NTRK3: variants seen among roughly 807,000 people sequenced by gnomAD.
NTRK3 encodes neurotrophic receptor tyrosine kinase 3.
Under a neutral mutation model 91.7 loss-of-function variants are expected in NTRK3, and 24 were observed. The ratio of observed to expected loss-of-function variants is 0.26; its 90% CI spans 0.19 to 0.37. NTRK3 has a LOEUF of 0.37. Ranked by LOEUF, NTRK3 falls within the 10% of genes least tolerant of loss-of-function variation. NTRK3 has a pLI of 1.00. For synonymous variants in NTRK3, 483 were observed against 404.0 expected (o/e 1.20, Z -2.34); for missense variants, 880 against 1,068.9 (o/e 0.82, Z 2.46).
intron 13 of NTRK3, among the ~76,000 whole-genome samples, chr15:88,057,662 G>C (rs1597045427): frequency 6.6e-6 from 1 of 152,178 alleles, no homozygotes; most frequent in Non-Finnish European, 1.5e-5. Flanking sequence ...GAGCATCAGG[G>C]AAATATGATC....
intron 15 of NTRK3, 61 bp from the exon 16 acceptor site, chr15:87,933,245 C>T (rs2141959480): frequency 6.4e-7 from 1 of 1,554,424 alleles, no homozygotes; most frequent in Non-Finnish European, 8.9e-7. Flanking sequence ...GTCTTTTCTA[C>T]TCCTGGAAAG....
At chr15:88,042,084 C>A (rs1444629641) in intron 13 of NTRK3, among the ~76,000 whole-genome samples, 1 of 151,938 alleles carries the variant, frequency 6.6e-6, no homozygotes, top group Non-Finnish European at 1.5e-5. Context: ...TTTTTAAAAC[C>A]TCAACCTTTT....
Position 88,125,039 on chromosome 15 carries a change from G to A in NTRK3, c.1396+1232C>T, listed in dbSNP as rs191160885. On this transcript the variant is annotated intron_variant, in intron 13 of 18. Coordinates refer to ENST00000394480, the Ensembl canonical transcript of NTRK3. ...TTGTTGCCCAGACCGGAATGCAGTG[G>A]TGTGATGACAGCTCACTGCAGCCTT... is the stretch of plus-strand genomic sequence containing the variant. Among the ~76,000 whole-genome samples the A allele has an allele frequency of 1.3e-3, 201 of 152,318 alleles. 1 individual carries two copies. The South Asian group carries it at 0.023, about 17-fold the overall frequency.
chr15:87,995,059 C>T (rs2075588688), intron 14 of NTRK3, among the ~76,000 whole-genome samples: 2 of 152,126 alleles, frequency 1.3e-5, no homozygotes, highest in Non-Finnish European at 1.5e-5. Context: ...AATCAATTTC[C>T]AAATGTTGAA....
chr15:88,195,994 C>T (rs774956613), intron 3 of NTRK3, among the ~76,000 whole-genome samples: 3 of 152,154 alleles, frequency 2.0e-5, no homozygotes, highest in Admixed American at 6.5e-5. Context: ...AATAACTACC[C>T]GCATGGAGGA....
At chr15:87,904,185 C>T (rs112989927) in intron 17 of NTRK3, among the ~76,000 whole-genome samples, 7,197 of 150,680 alleles carry the variant, frequency 0.048, 421 homozygotes, top group African/African-American at 0.14. Context: ...GGAGTCTTGC[C>T]CTGTTGCCAG....
intron 14 of NTRK3, among the ~76,000 whole-genome samples, chr15:88,011,078 T>A (rs767122174): frequency 5.9e-5 from 9 of 152,158 alleles, no homozygotes; most frequent in Non-Finnish European, 1.0e-4. Flanking sequence ...GATATTTTCT[T>A]ATCCAGTATT....
intron 14 of NTRK3, among the ~76,000 whole-genome samples, chr15:87,970,118 G>C (rs1002850120): frequency 6.6e-6 from 1 of 152,110 alleles, no homozygotes; most frequent in African/African-American, 2.4e-5. Flanking sequence ...AGACAAATAT[G>C]GAACAAGGAA....
intron 3 of NTRK3, among the ~76,000 whole-genome samples, chr15:88,212,864 G>A (rs866022716): frequency 1.3e-5 from 2 of 152,162 alleles, no homozygotes; most frequent in Non-Finnish European, 2.9e-5. Context: ...AAGGGGAAAT[G>A]TCAGGGCCCC....
intron 13 of NTRK3, among the ~76,000 whole-genome samples, chr15:88,110,049 T>C (rs2051158498): frequency 6.6e-6 from 1 of 152,050 alleles, no homozygotes; most frequent in Non-Finnish European, 1.5e-5. Context: ...CCCAGAATGG[T>C]CCATAAGTCA....
intron 14 of NTRK3, among the ~76,000 whole-genome samples, chr15:88,017,482 T>C (rs1309284991): frequency 6.6e-6 from 1 of 152,202 alleles, no homozygotes; most frequent in Non-Finnish European, 1.5e-5. Flanking sequence ...CAACTTCTGC[T>C]CTTAACTTCA....
At chr15:88,242,994 G>A (rs1485480490) in intron 3 of NTRK3, among the ~76,000 whole-genome samples, 2 of 152,170 alleles carry the variant, frequency 1.3e-5, no homozygotes, top group African/African-American at 4.8e-5. Flanking sequence ...GTCCCCATAG[G>A]CCATAGGGCC....
chr15:87,863,799 A>T (rs2064587945), exon 19 of NTRK3: 1 of 231,274 alleles, frequency 4.3e-6, no homozygotes, highest in African/African-American at 2.2e-5. Flanking sequence ...TTCTGAAGGA[A>T]ATATTTGGGT....
chr15:88,240,157 G>C lies in NTRK3; in HGVS notation c.248+15749C>G, dbSNP rs2052200510. Among the ~76,000 whole-genome samples the C allele has an allele frequency of 6.6e-6, 1 of 150,540 alleles. No homozygotes were observed. Among genetic ancestry groups the C allele is most frequent in the Non-Finnish European group, 1.5e-5 (1 of 67,722 alleles). On this transcript the variant is annotated intron_variant, in intron 3 of 18. Transcript: ENST00000394480. This position sits in a 1 kb window ranked among gnomAD's most constrained non-coding sequence, Gnocchi z 4.9. The stretch of plus-strand genomic sequence containing the variant: ...AGGATTGCCCCCAGAGAAACCCAGG[G>C]CTGCTGCATCTGTATGGCTCCCCTA...
At chr15:87,877,014 C>T (rs1191745945) in exon 19 of NTRK3, 1 of 1,613,224 alleles carries the variant, frequency 6.2e-7, no homozygotes, top group Non-Finnish European at 8.5e-7. Flanking sequence ...GATGTTCAAC[C>T]GCTGCTGTGG....
At chr15:87,919,430 C>A (rs906319471) in intron 17 of NTRK3, among the ~76,000 whole-genome samples, 8 of 152,166 alleles carry the variant, frequency 5.3e-5, no homozygotes, top group Non-Finnish European at 8.8e-5. Context: ...GCCCTCTCCA[C>A]GTCATCTTCT....
Position 87,941,863 on chromosome 15 carries a change from A to G in NTRK3, c.1586-1110T>C, listed in dbSNP as rs541111239. On this transcript the variant is annotated intron_variant, in intron 14 of 18. Transcript: ENST00000394480. ...CGATGAAAAGAGCAAACAGGAGATT[A>G]CTCACTGACCTTTACATTAATTGTT... Among the ~76,000 whole-genome samples, 3 of 152,346 alleles carry G rather than the reference A, an allele frequency of 2.0e-5. No homozygotes were observed. The East Asian group carries it at 5.8e-4, about 29-fold the overall frequency.
At chr15:87,993,089 A>G (rs1467260041) in intron 14 of NTRK3, among the ~76,000 whole-genome samples, 1 of 152,204 alleles carries the variant, frequency 6.6e-6, no homozygotes, top group Non-Finnish European at 1.5e-5. Flanking sequence ...GAAAAAAAAT[A>G]TCTTAACATC....
At chr15:88,170,177 G>A (rs898426300) in intron 5 of NTRK3, among the ~76,000 whole-genome samples, 1 of 152,190 alleles carries the variant, frequency 6.6e-6, no homozygotes, top group East Asian at 1.9e-4. Flanking sequence ...GGGCCATTGT[G>A]AGTGGACTTT....
Sources: allele counts gnomAD v4.1 joint callset (sites outside exome capture counted in the v4.1 genomes callset), GRCh38; gene constraint gnomAD v4.1.1; non-coding constraint Gnocchi (gnomAD v3.1); transcripts MANE v1.5; gene names NCBI Gene and HGNC (gene_info 2026-07-23, HGNC 2026-07-21).